Variants in DUSP26 observed in about 807,000 individuals in gnomAD.
The protein encoded by DUSP26 is dual specificity phosphatase 26.
In DUSP26, 12 loss-of-function variants were observed where a neutral mutation model predicts 20.0. The ratio of observed to expected loss-of-function variants is 0.60; its 90% CI spans 0.38 to 0.97. The LOEUF (loss-of-function observed/expected upper bound fraction) is 0.97. Among genes scored for constraint, DUSP26 ranks in the 50% least tolerant of loss-of-function variants. The pLI, the probability that DUSP26 is intolerant of heterozygous loss-of-function variation, is 0.00. For missense variants in DUSP26, 230 were observed against 294.0 expected (o/e 0.78, Z 1.59); for synonymous variants, 120 against 118.8 (o/e 1.01, Z -0.06).
intron 2 of DUSP26, among the ~76,000 whole-genome samples, chr8:33,596,307 G>T (rs1218594010): frequency 6.6e-6 from 1 of 150,824 alleles, no homozygotes; most frequent in Admixed American, 6.6e-5. Context: ...GCTGGGCACG[G>T]TGGCTCACAC....
In DUSP26 at chr8:33,593,589, C is replaced by T. The variant is rs755455913; in HGVS notation, c.380G>A (p.Ser127Asn). 6.2e-7 allele frequency: 1 copy of T among 1,614,214 alleles called. No homozygotes were observed. The highest frequency in any genetic ancestry group is 1.1e-5 in the South Asian group (1 of 91,090). Residue 127 changes from serine (S) to asparagine (N), a missense_variant, in exon 3 of 4, where the codon AGC becomes AAC. Transcript: ENST00000256261. ...GTCGGCAGCCGTCTGGAAGTGGATG[C>T]TCATGTCAAAGGCTGGCGAGTCGTG... Reference protein sequence around the residue: ...EAHDSPAFDMSIHFQTAADFI... With the variant: ...EAHDSPAFDMNIHFQTAADFI...
intron 1 of DUSP26, among the ~76,000 whole-genome samples, chr8:33,598,163 TGGGAAG>T (rs1811194985): frequency 6.6e-6 from 1 of 151,726 alleles, no homozygotes; most frequent in Non-Finnish European, 1.5e-5. Flanking sequence ...AAACCTGCTA[TGGGAAG>T]GGTGTGGTGG....
At chr8:33,596,892 G>C (rs1033791009) in intron 2 of DUSP26, among the ~76,000 whole-genome samples, 3 of 152,126 alleles carry the variant, frequency 2.0e-5, no homozygotes, top group Non-Finnish European at 4.4e-5. Context: ...TAATAAATAT[G>C]TGATACATGA....
At chr8:33,593,143 A>G (rs11986297) in intron 3 of DUSP26, among the ~76,000 whole-genome samples, 13,931 of 152,086 alleles carry the variant, frequency 0.092, 1,292 homozygotes, top group African/African-American at 0.23. Context: ...GTGGTGGCGG[A>G]CACCTGTAAT....
At chr8:33,596,060 G>C (rs529229481) in intron 2 of DUSP26, among the ~76,000 whole-genome samples, 2 of 152,274 alleles carry the variant, frequency 1.3e-5, no homozygotes, top group African/African-American at 4.8e-5. Context: ...GAAGCAGGTG[G>C]ATCACTTGAG....
chr8:33,594,464 C>T (rs181042079), intron 2 of DUSP26, among the ~76,000 whole-genome samples: 3 of 151,074 alleles, frequency 2.0e-5, no homozygotes, highest in Non-Finnish European at 4.4e-5. Context: ...TGGTGGTAGG[C>T]GCCTGTAGTC....
In DUSP26 at chr8:33,592,148, G is replaced by A. The variant is rs1811035946; in HGVS notation, c.501C>T (p.Leu167=). 6.2e-6 allele frequency: 10 copies of A among 1,614,050 alleles called. No homozygotes were observed. Among genetic ancestry groups the A allele is most frequent in the Non-Finnish European group, 8.5e-6 (10 of 1,179,994 alleles). Residue 167 remains leucine (L), a synonymous_variant, in exon 4 of 4, where the codon CTC becomes CTT. Transcript: ENST00000256261. ...CGAGGGTAAGGTGGTGGTACAGCATGAGGTAGGCCAGTACCAGGGTGGCGG... is the reference window on the plus strand; with the variant it reads ...CGAGGGTAAGGTGGTGGTACAGCATAAGGTAGGCCAGTACCAGGGTGGCGG... ...SRSATLVLAY[L]MLYHHLTLVE...
chr8:33,599,941 CTTG>C lies in DUSP26; in HGVS notation c.-356_-354del, dbSNP rs1811233937. 1 of 152,258 alleles carries C rather than the reference CTTG, an allele frequency of 6.6e-6. No individual in the cohort carries two copies. The highest frequency in any genetic ancestry group is 6.5e-5 in the Admixed American group (1 of 15,290). 9.4% of individuals were successfully genotyped at this position (152,258 alleles called of 1,614,324 possible). A position where few individuals can be genotyped will look rare whatever the true frequency, so the allele number is the denominator to read the frequency against. On this transcript the variant is annotated 5_prime_UTR_variant, in exon 1 of 4. Coordinates refer to ENST00000256261, the MANE Select transcript of DUSP26 (RefSeq NM_024025.3). ...GCCAACCCCCCACGAGCCCGCGCGC[CTTG>C]CAGACCAGACACGGCCCCGCCGAGC...
intron 1 of DUSP26, among the ~76,000 whole-genome samples, chr8:33,597,967 C>T (rs999954881): frequency 5.9e-5 from 9 of 151,404 alleles, no homozygotes; most frequent in Non-Finnish European, 8.8e-5. Flanking sequence ...ATCTGAGTCT[C>T]ATCTGCCTGG....
intron 1 of DUSP26, among the ~76,000 whole-genome samples, chr8:33,599,102 T>C (rs1811213579): frequency 6.6e-6 from 1 of 150,930 alleles, no homozygotes. Context: ...AGCACAGAAA[T>C]ATAGCACTAC....
rs546829150 is a variant in DUSP26 at position 33,594,166 on chromosome 8, G to T, written c.222-419C>A. Among the ~76,000 whole-genome samples, 3 of 152,116 alleles carry T rather than the reference G, an allele frequency of 2.0e-5. No homozygotes were observed. The South Asian group carries it at 6.2e-4, about 32-fold the overall frequency. On this transcript the variant is annotated intron_variant, in intron 2 of 3. Coordinates refer to ENST00000256261, the MANE Select transcript of DUSP26 (RefSeq NM_024025.3). ...TAAGGACACTACTTTACTTACTAGT[G>T]ATCCAGAAGGGAGGAACCAAGATGG... is the stretch of plus-strand genomic sequence containing the variant.
chr8:33,595,400 G>A (rs899846676), intron 2 of DUSP26, among the ~76,000 whole-genome samples: 1 of 147,846 alleles, frequency 6.8e-6, no homozygotes, highest in Admixed American at 6.8e-5. Context: ...TTGAGATGGT[G>A]TCTTGCTCTG....
rs780047531 is a variant in DUSP26 at position 33,591,983 on chromosome 8, G to A, written c.*30C>T. The A allele has an allele frequency of 1.1e-5, 17 of 1,609,634 alleles. No homozygotes were observed. Among genetic ancestry groups the A allele is most frequent in the East Asian group, 2.2e-5 (1 of 44,784 alleles). On this transcript the variant is annotated 3_prime_UTR_variant, in exon 4 of 4. Transcript: ENST00000256261. ...AGCTGGGAGCCAGGGACCTACCCAC[G>A]GGCCTGGCCTGACCTCTCTCCCCCT...
At position 33,593,567 on chromosome 8, in the gene DUSP26, G is replaced by A. The variant is rs7008370; in HGVS notation, c.402C>T (p.Ala134=). The A allele has an allele frequency of 1.1e-3, 1,766 of 1,613,970 alleles. 9 individuals are homozygous for A. The African/African-American group carries it at 0.015, about 14-fold the overall frequency. The change falls in exon 3 of 4, where the codon GCC becomes GCT. Residue 134 remains alanine (A), a synonymous_variant. Transcript: ENST00000256261. ...GGCTCAGCGCCCGGTGGATGAAGTC[G>A]GCAGCCGTCTGGAAGTGGATGCTCA... is the stretch of plus-strand genomic sequence containing the variant. ...FDMSIHFQTA[A]DFIHRALSQP... is the part of the protein sequence containing the mutation.
In DUSP26 at chr8:33,591,972, G is replaced by T; in HGVS notation, c.*41C>A. On this transcript the variant is annotated 3_prime_UTR_variant, in exon 4 of 4. Transcript: ENST00000256261. ...CTCCTATCTCCAGCTGGGAGCCAGG[G>T]ACCTACCCACGGGCCTGGCCTGACC... 6.2e-7 allele frequency: 1 copy of T among 1,605,828 alleles called. No homozygotes were observed. Among genetic ancestry groups the T allele is most frequent in the South Asian group, 1.1e-5 (1 of 90,742 alleles).
intron 3 of DUSP26, among the ~76,000 whole-genome samples, chr8:33,592,926 G>C (rs1460266367): frequency 1.3e-5 from 2 of 152,182 alleles, no homozygotes; most frequent in African/African-American, 4.8e-5. Context: ...CTCAGGCTGA[G>C]TGCAGTGGCA....
chr8:33,593,485 A>C, intron 3 of DUSP26, 48 bp downstream of exon 3: 6 of 1,589,310 alleles, frequency 3.8e-6, no homozygotes, highest in Non-Finnish European at 5.2e-6. Flanking sequence ...GGACTTCCCC[A>C]AATTCCAGGC....
intron 2 of DUSP26, 43 bp downstream of exon 2, chr8:33,597,252 C>A (rs1190169714): frequency 4.6e-6 from 7 of 1,530,754 alleles, no homozygotes; most frequent in Non-Finnish European, 6.2e-6. Context: ...CACACACAAA[C>A]ACACACACGC....
At chr8:33,593,809 G>C in intron 2 of DUSP26, 62 bp from the exon 3 acceptor site, 1 of 1,562,020 alleles carries the variant, frequency 6.4e-7, no homozygotes, top group Non-Finnish European at 8.8e-7. Flanking sequence ...AGACTCCCTT[G>C]TCTACACCCT....
Sources: allele counts gnomAD v4.1 joint callset (sites outside exome capture counted in the v4.1 genomes callset), GRCh38; gene constraint gnomAD v4.1.1; transcripts MANE v1.5; gene names NCBI Gene and HGNC (gene_info 2026-07-23, HGNC 2026-07-21).